The following TUSC3 variants were observed in gnomAD, a reference collection of about 807,000 sequenced individuals.
The protein encoded by TUSC3 is tumor suppressor candidate 3.
Under a neutral mutation model 44.8 loss-of-function variants are expected in TUSC3, and 45 were observed. The observed-to-expected ratio is 1.00, with a 90% CI of 0.79 to 1.29. The LOEUF is 1.29. TUSC3 is among the 50% of genes most tolerant of loss of function. TUSC3 has a pLI of 0.00. For synonymous variants in TUSC3, 212 were observed against 152.9 expected, an observed-to-expected ratio of 1.39 and a Z score of -2.85; for missense variants, 519 against 437.9, an observed-to-expected ratio of 1.19 and a Z score of -1.65.
At chr8:15,491,227 C>T (rs1351711272) in intron 2 of TUSC3, among the ~76,000 whole-genome samples, 1 of 152,138 alleles carries the variant, frequency 6.6e-6, no homozygotes, top group Non-Finnish European at 1.5e-5. Flanking sequence ...TGTCCCGTAC[C>T]TATGAGGATA....
At chr8:15,769,906 G>A (rs1054652271), downstream of TUSC3, among the ~76,000 whole-genome samples, 44 of 152,224 alleles carry the variant, frequency 2.9e-4, no homozygotes, top group Admixed American at 2.0e-3. Context: ...TCATTGAAAA[G>A]GAAACAACAG....
intron 2 of TUSC3, among the ~76,000 whole-genome samples, chr8:15,507,377 G>C (rs887328796): frequency 3.9e-5 from 6 of 152,064 alleles, no homozygotes; most frequent in African/African-American, 1.4e-4. Context: ...TCCCTTTATA[G>C]TTCATGCCTT....
chr8:15,781,613 CAG>C, the TUSC3 span, among the ~76,000 whole-genome samples: 1 of 152,086 alleles, frequency 6.6e-6, no homozygotes, highest in East Asian at 1.9e-4. Context: ...AAAATGGAAT[CAG>C]AATAGACCAA....
intron 6 of TUSC3, among the ~76,000 whole-genome samples, chr8:15,697,069 A>C (rs1328870801): frequency 1.3e-5 from 2 of 152,142 alleles, no homozygotes; most frequent in African/African-American, 2.4e-5. Flanking sequence ...AGGCACTTAA[A>C]GGTGTTCATA....
At chr8:15,561,224 A>T (rs1218329929) in intron 1 of TUSC3, among the ~76,000 whole-genome samples, 2 of 140,932 alleles carry the variant, frequency 1.4e-5, no homozygotes, top group Non-Finnish European at 3.1e-5. Context: ...CTTCTAACAG[A>T]CAGGACCCTC....
chr8:15,824,931 T>C, the TUSC3 span, among the ~76,000 whole-genome samples: 1 of 152,166 alleles, frequency 6.6e-6, no homozygotes, highest in East Asian at 1.9e-4. Context: ...AGTGCTTTCC[T>C]CCCTTCATTG....
intron 1 of TUSC3, among the ~76,000 whole-genome samples, chr8:15,435,817 C>G (rs1398869685): frequency 6.6e-6 from 1 of 152,144 alleles, no homozygotes; most frequent in African/African-American, 2.4e-5. Flanking sequence ...GTTTAATGAA[C>G]AACTTGAACA....
At chr8:15,458,187 G>A (rs1166706318) in intron 1 of TUSC3, among the ~76,000 whole-genome samples, 2 of 152,176 alleles carry the variant, frequency 1.3e-5, no homozygotes, top group South Asian at 2.1e-4. Flanking sequence ...AGAAAATGTA[G>A]GTTAAAGGTC....
At chr8:15,599,004 A>G (rs1277415002) in intron 1 of TUSC3, among the ~76,000 whole-genome samples, 1 of 151,938 alleles carries the variant, frequency 6.6e-6, no homozygotes, top group Non-Finnish European at 1.5e-5. Context: ...TGGTAATTTT[A>G]TAAGAAACTG....
chr8:15,773,510 T>A, the TUSC3 span, among the ~76,000 whole-genome samples: 1 of 152,184 alleles, frequency 6.6e-6, no homozygotes, highest in Non-Finnish European at 1.5e-5. Flanking sequence ...ACTGTTAAGA[T>A]GGAAATACTT....
the TUSC3 span, among the ~76,000 whole-genome samples, chr8:15,815,067 T>A: frequency 6.6e-6 from 1 of 152,078 alleles, no homozygotes; most frequent in East Asian, 1.9e-4. Context: ...AATGAGACAA[T>A]GTAGTATATA....
chr8:15,805,473 T>C, the TUSC3 span, among the ~76,000 whole-genome samples: 1 of 152,214 alleles, frequency 6.6e-6, no homozygotes, highest in Non-Finnish European at 1.5e-5. Context: ...GGGTTTGTCA[T>C]AGATGGATCT....
At chr8:15,712,825 T>G (rs927393402) in intron 6 of TUSC3, among the ~76,000 whole-genome samples, 1 of 152,114 alleles carries the variant, frequency 6.6e-6, no homozygotes, top group African/African-American at 2.4e-5. Context: ...ATGACCTTAT[T>G]TCCTATGTAA....
chr8:15,495,976 C>G (rs1029929507), intron 2 of TUSC3, among the ~76,000 whole-genome samples: 1 of 152,128 alleles, frequency 6.6e-6, no homozygotes, highest in African/African-American at 2.4e-5. Flanking sequence ...AATATTGCAC[C>G]TACCTGATTT....
At chr8:15,770,378 G>A (rs533822147), downstream of TUSC3, among the ~76,000 whole-genome samples, 2 of 152,212 alleles carry the variant, frequency 1.3e-5, no homozygotes, top group East Asian at 3.9e-4. Flanking sequence ...TGGACACACG[G>A]AGGGGAACAT....
chr8:15,539,202 C>T (rs916063259), upstream of TUSC3, among the ~76,000 whole-genome samples: 2 of 151,848 alleles, frequency 1.3e-5, no homozygotes, highest in East Asian at 1.9e-4. Flanking sequence ...TTTAAGAAGG[C>T]GTCTACAGGT....
At chr8:15,461,311 G>A (rs1467559643) in intron 1 of TUSC3, among the ~76,000 whole-genome samples, 1 of 152,026 alleles carries the variant, frequency 6.6e-6, no homozygotes. Flanking sequence ...TGTAAAAATG[G>A]TTAAGTTCTT....
intron 6 of TUSC3, among the ~76,000 whole-genome samples, chr8:15,676,363 G>A (rs996109465): frequency 6.6e-6 from 1 of 152,054 alleles, no homozygotes; most frequent in African/African-American, 2.4e-5. Context: ...TATAGATTCT[G>A]GATATTAGAC....
the TUSC3 span, chr8:15,806,022 T>G: frequency 4.6e-6 from 1 of 218,766 alleles, no homozygotes; most frequent in Non-Finnish European, 9.2e-6. Flanking sequence ...TTCTCTGGTG[T>G]GATCATTCTT....
Sources: gnomAD v4.1 joint callset for allele counts (sites outside exome capture counted in the v4.1 genomes callset) on GRCh38, gnomAD v4.1.1 for gene constraint, MANE v1.5 for transcripts, NCBI Gene and HGNC (gene_info 2026-07-23, HGNC 2026-07-21) for gene names.